Variants in ASXL1 observed in about 807,000 individuals in gnomAD.
ASXL1 encodes the protein ASXL transcriptional regulator 1.
In ASXL1, 65 loss-of-function variants were observed where a neutral mutation model predicts 89.1. The observed-to-expected ratio is 0.73, with a 90% confidence interval of 0.60 to 0.90. ASXL1 has a LOEUF of 0.90. ASXL1 is among the 40% of genes least tolerant of loss of function. The pLI, the probability that ASXL1 is intolerant of heterozygous loss-of-function variation, is 0.00. For synonymous variants in ASXL1, 739 were observed against 746.9 expected, an observed-to-expected ratio of 0.99 and a Z score of 0.17; for missense variants, 1,786 against 1,942.9, an observed-to-expected ratio of 0.92 and a Z score of 1.52.
intron 4 of ASXL1, among the ~76,000 whole-genome samples, chr20:32,403,725 T>G (rs377539335): frequency 2.0e-5 from 3 of 152,310 alleles, no homozygotes; most frequent in East Asian, 3.9e-4. Context: ...GTGTATGAAT[T>G]TTAGAATCAT....
chr20:32,358,859 C>T, intron 1 of ASXL1, 27 bp downstream of exon 1: 1 of 1,099,936 alleles, frequency 9.1e-7, no homozygotes, highest in Non-Finnish European at 1.3e-6. Context: ...AGGGGGGCTC[C>T]GTGGGGCCCG....
chr20:32,388,956 C>T (rs961993593), intron 4 of ASXL1, among the ~76,000 whole-genome samples: 35 of 152,042 alleles, frequency 2.3e-4, no homozygotes, highest in Non-Finnish European at 2.8e-4. Context: ...ATAAATTGCA[C>T]GCCCCCACAT....
chr20:32,381,282 G>A (rs1458242999), intron 4 of ASXL1, among the ~76,000 whole-genome samples: 2 of 152,116 alleles, frequency 1.3e-5, no homozygotes, highest in Non-Finnish European at 2.9e-5. Context: ...ACGGCTCACT[G>A]CAGCCTTGAC....
rs200639101 is a variant in ASXL1 at position 32,376,838 on chromosome 20, TATC to T, written c.252+7718_252+7720del. 9.3e-3 allele frequency among the ~76,000 whole-genome samples: 1,284 copies of T among 138,388 alleles called. 61 individuals are homozygous for T. The highest frequency in any genetic ancestry group is 0.076 in the Admixed American group (974 of 12,874). 90.8% of individuals were successfully genotyped at this position (138,388 alleles called of 152,430 possible). A position where few individuals can be genotyped will look rare whatever the true frequency, so the allele number is the denominator to read the frequency against. ...TTTTATATATTATATATTATATAAA[TATC>T]ATGATAGATATATAATATATAATTA... On this transcript the variant is annotated intron_variant, in intron 4 of 12. Coordinates refer to ENST00000375687, the MANE Select transcript of ASXL1 (RefSeq NM_015338.6).
intron 4 of ASXL1, among the ~76,000 whole-genome samples, chr20:32,386,630 C>A (rs939521138): frequency 1.4e-4 from 22 of 152,010 alleles, no homozygotes; most frequent in Non-Finnish European, 2.9e-5. Context: ...GTTGACCAGG[C>A]TGGTCTCAAG....
rs1444837637 is a variant in ASXL1 at position 32,435,956 on chromosome 20, C to T, written c.3244C>T (p.Leu1082=). The T allele has an allele frequency of 6.2e-7, 1 of 1,614,180 alleles. No homozygotes were observed. The highest frequency in any genetic ancestry group is 1.1e-5 in the South Asian group (1 of 91,082). The change falls in exon 13 of 13, where the codon CTG becomes TTG. Residue 1082 remains leucine, a synonymous_variant. Transcript: ENST00000375687. ...CCAAAAGATCCCAGATTCCCTACTG[C>T]TGGCCAGTACTGAGTACCAGCCAAG... ...VRQKIPDSLL[L]ASTEYQPRAV...
At chr20:32,381,104 A>G (rs1187107928) in intron 4 of ASXL1, among the ~76,000 whole-genome samples, 1 of 152,218 alleles carries the variant, frequency 6.6e-6, no homozygotes, top group African/African-American at 2.4e-5. Flanking sequence ...TTACCTGGAA[A>G]ATTCTGCGGT....
chr20:32,393,034 A>G (rs896614100), intron 4 of ASXL1, among the ~76,000 whole-genome samples: 3 of 129,812 alleles, frequency 2.3e-5, no homozygotes, highest in Non-Finnish European at 5.2e-5. Context: ...TTCCTATTCT[A>G]TCAGTTATAG....
At chr20:32,385,828 C>T (rs543186656) in intron 4 of ASXL1, among the ~76,000 whole-genome samples, 130 of 152,274 alleles carry the variant, frequency 8.5e-4, no homozygotes, top group African/African-American at 3.0e-3. Context: ...TGATACTTAT[C>T]CATGGTTTCC....
At chr20:32,401,958 T>C (rs538862526) in intron 4 of ASXL1, among the ~76,000 whole-genome samples, 2 of 152,346 alleles carry the variant, frequency 1.3e-5, no homozygotes, top group East Asian at 1.9e-4. Context: ...ATAAAAGTTA[T>C]GTGAATGTTG....
intron 4 of ASXL1, chr20:32,372,365 A>C: frequency 8.8e-7 from 1 of 1,140,094 alleles, no homozygotes; most frequent in Non-Finnish European, 1.1e-6. Context: ...TATCTTGTTC[A>C]TTGGCCTTTT....
chr20:32,395,186 T>C (rs2048741453), intron 4 of ASXL1, among the ~76,000 whole-genome samples: 1 of 152,208 alleles, frequency 6.6e-6, no homozygotes, highest in African/African-American at 2.4e-5. Context: ...ATGTGTTTCT[T>C]GTAGTGTAGG....
intron 4 of ASXL1, among the ~76,000 whole-genome samples, chr20:32,384,604 G>C (rs929765465): frequency 6.6e-6 from 1 of 152,170 alleles, no homozygotes; most frequent in Admixed American, 6.5e-5. Flanking sequence ...GGGGTATTCC[G>C]TTGTCAGTAT....
chr20:32,358,907 GGGGAGGGGCAAGGCCCTGCCCACCGC>G (rs1391106942), intron 1 of ASXL1, 75 bp downstream of exon 1: 51 of 1,392,266 alleles, frequency 3.7e-5, no homozygotes, highest in African/African-American at 2.3e-4. Flanking sequence ...CCCACTGGGG[GGGGAGGGGCAAGGCCCTGCCCACCGC>G]GGGAGGGGGC....
chr20:32,386,953 G>A (rs182326529), intron 4 of ASXL1, among the ~76,000 whole-genome samples: 46 of 152,108 alleles, frequency 3.0e-4, no homozygotes, highest in African/African-American at 1.1e-3. Flanking sequence ...CAGCTGGTGC[G>A]TAACTAGCTG....
chr20:32,396,616 T>A (rs2048766205), intron 4 of ASXL1, among the ~76,000 whole-genome samples: 1 of 152,220 alleles, frequency 6.6e-6, no homozygotes, highest in East Asian at 1.9e-4. Flanking sequence ...GCACTCTGGT[T>A]CCCAGACTTT....
intron 1 of ASXL1, among the ~76,000 whole-genome samples, chr20:32,363,402 C>T (rs1299803755): frequency 3.3e-5 from 5 of 152,184 alleles, no homozygotes; most frequent in Admixed American, 3.3e-4. Context: ...CCCATCTTGG[C>T]ACTTAGGTTC....
chr20:32,361,641 AAAAAAAAAG>A (rs1407912358), intron 1 of ASXL1, among the ~76,000 whole-genome samples: 3 of 151,876 alleles, frequency 2.0e-5, no homozygotes, highest in Non-Finnish European at 2.9e-5. Flanking sequence ...CTCAAAAAAA[AAAAAAAAAG>A]AAAAAAAGAA....
rs2011450603 is a variant in ASXL1, at chr20:32,429,449, G to A, written c.565+18G>A. On this transcript the variant is annotated intron_variant, in intron 7 of 12. Transcript: ENST00000375687. This position sits in a 1 kb window ranked among gnomAD's most constrained non-coding sequence, Gnocchi z 4.9. ...TGCATCAGGTATGTGTAAACTCATG[G>A]TTGTGATGCTTTTTCCTCAGGTCCT... 3.7e-6 allele frequency: 6 copies of A among 1,610,638 alleles called. No homozygotes were observed. Among genetic ancestry groups the A allele is most frequent in the Non-Finnish European group, 5.1e-6 (6 of 1,176,842 alleles).
Sources: gnomAD v4.1 joint callset for allele counts (sites outside exome capture counted in the v4.1 genomes callset) on GRCh38, gnomAD v4.1.1 for gene constraint, Gnocchi (gnomAD v3.1) non-coding constraint, MANE v1.5 for transcripts, NCBI Gene and HGNC (gene_info 2026-07-23, HGNC 2026-07-21) for gene names.